The following LRMDA variants were observed in gnomAD, a reference collection of about 807,000 sequenced individuals.
LRMDA encodes leucine rich melanocyte differentiation associated.
Under a neutral mutation model 29.8 loss-of-function variants are expected in LRMDA, and 18 were observed. The ratio of observed to expected loss-of-function variants is 0.60; its 90% CI spans 0.42 to 0.90. LRMDA has a LOEUF of 0.90. LRMDA is among the 40% of genes least tolerant of loss of function. The probability of loss-of-function intolerance (pLI) is 0.00; values close to 1 mark genes in which losing one functional copy is unlikely to be tolerated. For synonymous variants in LRMDA, 125 were observed against 109.4 expected (o/e 1.14, Z -0.89); for missense variants, 273 against 273.9 (o/e 1.00, Z 0.02).
chr10:76,383,901 T>C (rs1415162348), intron 6 of LRMDA, among the ~76,000 whole-genome samples: 1 of 152,194 alleles, frequency 6.6e-6, no homozygotes, highest in Non-Finnish European at 1.5e-5. Flanking sequence ...TACCCACCAG[T>C]CACTTTCCAT....
At chr10:76,152,754 C>G (rs909675346) in intron 5 of LRMDA, among the ~76,000 whole-genome samples, 1 of 152,100 alleles carries the variant, frequency 6.6e-6, no homozygotes, top group African/African-American at 2.4e-5. Context: ...TTCATTTGTA[C>G]TACTCTAAAG....
chr10:75,683,668 C>G (rs1197883873), intron 2 of LRMDA, among the ~76,000 whole-genome samples: 1 of 152,226 alleles, frequency 6.6e-6, no homozygotes, highest in Non-Finnish European at 1.5e-5. Flanking sequence ...TACCTGAAAG[C>G]TGGCCAAGGC....
Position 75,684,358 on chromosome 10 carries a change from C to T in LRMDA, c.131+245864C>T, listed in dbSNP as rs76926637. On this transcript the variant is annotated intron_variant, in intron 2 of 6. Coordinates refer to ENST00000611255, the MANE Select transcript of LRMDA (RefSeq NM_001305581.2). ...TGTTGTTACATCTTTCACGCACACT[C>T]CCCTTCTTTTCCCAATAACACCATC... Among the ~76,000 whole-genome samples the T allele has an allele frequency of 0.022, 3,287 of 152,248 alleles. 162 individuals carry two copies. The East Asian group carries it at 0.22, about 10-fold the overall frequency.
At chr10:76,418,239 T>C (rs917509957) in intron 6 of LRMDA, among the ~76,000 whole-genome samples, 1 of 152,096 alleles carries the variant, frequency 6.6e-6, no homozygotes, top group Non-Finnish European at 1.5e-5. Context: ...ATGTTTGCAA[T>C]GTGACATCTT....
intron 2 of LRMDA, among the ~76,000 whole-genome samples, chr10:75,628,347 A>G (rs190020447): frequency 3.3e-5 from 5 of 152,340 alleles, no homozygotes; most frequent in African/African-American, 9.6e-5. Context: ...GCTTTATATT[A>G]TGAAAAATGC....
At chr10:76,461,817 A>AT (rs1170687187) in intron 6 of LRMDA, among the ~76,000 whole-genome samples, 2 of 152,092 alleles carry the variant, frequency 1.3e-5, no homozygotes, top group African/African-American at 4.8e-5. Flanking sequence ...GCACACACCT[A>AT]TAATTCCAGA....
At chr10:76,222,662 T>C (rs1415143935) in intron 5 of LRMDA, among the ~76,000 whole-genome samples, 2 of 152,232 alleles carry the variant, frequency 1.3e-5, no homozygotes, top group Non-Finnish European at 1.5e-5. Flanking sequence ...ACTTTTACAC[T>C]GTTGGTGGGA....
intron 2 of LRMDA, among the ~76,000 whole-genome samples, chr10:76,011,485 C>T (rs1031012605): frequency 2.6e-5 from 4 of 152,110 alleles, no homozygotes; most frequent in South Asian, 2.1e-4. Flanking sequence ...TGACCATGAG[C>T]GAGTGGGCCA....
intron 6 of LRMDA, among the ~76,000 whole-genome samples, chr10:76,462,770 C>T (rs1589197595): frequency 6.6e-6 from 1 of 152,282 alleles, no homozygotes; most frequent in Middle Eastern, 3.4e-3. Flanking sequence ...TCAGTGCCTC[C>T]CACATTGGAC....
At position 75,602,538 on chromosome 10, in the gene LRMDA, G is replaced by T. The variant is rs562720772; in HGVS notation, c.131+164044G>T. ...GGAGTCTCCTTTATAACATTCAAAT[G>T]CTTGGCCCTGCTCCACTGTTGATCC... is the stretch of plus-strand genomic sequence containing the variant. On this transcript the variant is annotated intron_variant, in intron 2 of 6. Coordinates refer to ENST00000611255, the MANE Select transcript of LRMDA (RefSeq NM_001305581.2). 8.5e-5 allele frequency among the ~76,000 whole-genome samples: 13 copies of T among 152,246 alleles called. No individual in the cohort carries two copies. In the East Asian group the frequency reaches 9.6e-4, roughly 11 times the overall value.
chr10:75,654,561 C>T (rs1841643285), intron 2 of LRMDA, among the ~76,000 whole-genome samples: 2 of 152,122 alleles, frequency 1.3e-5, no homozygotes, highest in Non-Finnish European at 2.9e-5. Flanking sequence ...TTGTCCTCTC[C>T]CCTCTCCTTC....
intron 2 of LRMDA, among the ~76,000 whole-genome samples, chr10:75,453,880 G>A (rs554348244): frequency 2.0e-5 from 3 of 152,148 alleles, no homozygotes; most frequent in Admixed American, 6.5e-5. Context: ...AGACAGGTTA[G>A]CAAGAGAAAA....
intron 6 of LRMDA, among the ~76,000 whole-genome samples, chr10:76,368,488 T>C (rs968282320): frequency 1.3e-5 from 2 of 152,222 alleles, no homozygotes; most frequent in East Asian, 3.8e-4. Flanking sequence ...TTCAATTTTC[T>C]TAAATGTATT....
At chr10:75,899,239 G>A (rs1241629764) in intron 2 of LRMDA, among the ~76,000 whole-genome samples, 2 of 152,328 alleles carry the variant, frequency 1.3e-5, no homozygotes, top group African/African-American at 4.8e-5. Context: ...CAGAAGAGCT[G>A]TTTCTACCAA....
chr10:76,018,093 T>C (rs1364141504), intron 2 of LRMDA, among the ~76,000 whole-genome samples: 1 of 152,204 alleles, frequency 6.6e-6, no homozygotes, highest in Non-Finnish European at 1.5e-5. Context: ...TTGGCAGCTG[T>C]GGAAGACAGC....
intron 6 of LRMDA, among the ~76,000 whole-genome samples, chr10:76,470,163 C>T (rs1378561287): frequency 6.6e-6 from 1 of 152,030 alleles, no homozygotes; most frequent in Non-Finnish European, 1.5e-5. Context: ...GCTTTATTTG[C>T]TAGCAGACTT....
At chr10:75,903,171 G>T (rs1417342113) in intron 2 of LRMDA, among the ~76,000 whole-genome samples, 1 of 152,198 alleles carries the variant, frequency 6.6e-6, no homozygotes, top group Non-Finnish European at 1.5e-5. Flanking sequence ...GTCATTGAGG[G>T]AATTTCCTAA....
intron 2 of LRMDA, among the ~76,000 whole-genome samples, chr10:75,668,861 G>C (rs150439259): frequency 9.8e-4 from 149 of 152,278 alleles, no homozygotes; most frequent in African/African-American, 3.2e-3. Flanking sequence ...AATTTCTTCA[G>C]CAAATATGCC....
intron 2 of LRMDA, among the ~76,000 whole-genome samples, chr10:75,807,374 C>T (rs541357305): frequency 2.6e-5 from 4 of 152,298 alleles, no homozygotes; most frequent in South Asian, 4.1e-4. Flanking sequence ...GCCTGGTGAG[C>T]GATGGGGCAG....
Sources: allele counts gnomAD v4.1 joint callset (sites outside exome capture counted in the v4.1 genomes callset), GRCh38; gene constraint gnomAD v4.1.1; transcripts MANE v1.5; gene names NCBI Gene and HGNC (gene_info 2026-07-23, HGNC 2026-07-21).